The following COX6B1 variants were observed in gnomAD, a reference collection of about 807,000 sequenced individuals.
COX6B1 encodes the protein COX VIb-1.
A neutral mutation model predicts 14.0 loss-of-function variants in COX6B1; 2 were observed. That is an observed-to-expected ratio of 0.14 (90% CI 0.06 to 0.45). The LOEUF is 0.45. Among genes scored for constraint, COX6B1 ranks in the 20% least tolerant of loss-of-function variants. The pLI is 0.98. For synonymous variants in COX6B1, 30 were observed against 39.7 expected (o/e 0.76, Z 0.92); for missense variants, 81 against 114.2 (o/e 0.71, Z 1.33).
intron 1 of COX6B1, 59 bp downstream of exon 1, chr19:35,648,462 C>T (rs948249883): frequency 4.8e-6 from 1 of 208,430 alleles, no homozygotes; most frequent in Non-Finnish European, 1.0e-5. Context: ...GGAGCCGGAC[C>T]CCAGCTTCCC....
rs1295733210 is a variant in COX6B1 at position 35,651,335 on chromosome 19, G to A, written c.92G>A (p.Trp31Ter). 1 of 1,613,590 alleles carries A rather than the reference G, an allele frequency of 6.2e-7. No homozygotes were observed. The highest frequency in any genetic ancestry group is 8.5e-7 in the Non-Finnish European group (1 of 1,179,726). ...AACCAGAACCAGACTAGAAACTGCT[G>A]GCAGAACTACCTGGGTAAGCAGGAC... is the stretch of plus-strand genomic sequence containing the variant. ...FPNQNQTRNC[W>*]QNYLDFHRCQ... Residue 31 changes from tryptophan to a stop codon, truncating the protein, a stop_gained, in exon 2 of 4, where the codon TGG becomes TAG. Transcript: ENST00000649813. LOFTEE classifies it high-confidence loss of function.
At chr19:35,654,423 T>A in intron 2 of COX6B1, 148 bp from the exon 3 acceptor site, 1 of 690,000 alleles carries the variant, frequency 1.4e-6, no homozygotes, top group Non-Finnish European at 2.6e-6. Context: ...GAGAATCACT[T>A]GAACCCAGGA....
chr19:35,648,992 C>G lies in COX6B1; in HGVS notation c.-12+589C>G, dbSNP rs555984522. 7.7e-6 allele frequency: 4 copies of G among 520,714 alleles called. No individual in the cohort carries two copies. In the East Asian group the frequency reaches 1.7e-4, roughly 22 times the overall value. 32.3% of individuals were successfully genotyped at this position (520,714 alleles called of 1,614,324 possible). A position where few individuals can be genotyped will look rare whatever the true frequency, so the allele number is the denominator to read the frequency against. ...CCCACCGAAAGACTGTTTTAGTGCT[C>G]CAGACCCCCACCACCACCTTGCGTC... is the stretch of plus-strand genomic sequence containing the variant. On this transcript the variant is annotated intron_variant, in intron 1 of 3. Coordinates refer to ENST00000649813, the MANE Select transcript of COX6B1 (RefSeq NM_001863.5).
At chr19:35,650,652 G>A (rs1411223084) in intron 1 of COX6B1, among the ~76,000 whole-genome samples, 5 of 151,758 alleles carry the variant, frequency 3.3e-5, no homozygotes, top group Non-Finnish European at 7.4e-5. Context: ...AGTTTGCAGT[G>A]AGCCTAGGTC....
intron 2 of COX6B1, among the ~76,000 whole-genome samples, chr19:35,652,357 G>A (rs1452324097): frequency 1.3e-5 from 2 of 151,814 alleles, no homozygotes; most frequent in Non-Finnish European, 2.9e-5. Context: ...GTCCTGTCTG[G>A]AACACAGCAC....
chr19:35,649,398 C>T (rs1226774179), intron 1 of COX6B1, among the ~76,000 whole-genome samples: 1 of 152,042 alleles, frequency 6.6e-6, no homozygotes, highest in Non-Finnish European at 1.5e-5. Flanking sequence ...TGGCTCACTG[C>T]AACCTCTGCT....
intron 1 of COX6B1, among the ~76,000 whole-genome samples, chr19:35,649,210 G>C (rs1473975796): frequency 6.6e-6 from 1 of 152,144 alleles, no homozygotes; most frequent in Non-Finnish European, 1.5e-5. Flanking sequence ...GAATTGGGGT[G>C]GGGGGTGGAA....
At chr19:35,649,821 C>T (rs1239072093) in intron 1 of COX6B1, among the ~76,000 whole-genome samples, 1 of 151,704 alleles carries the variant, frequency 6.6e-6, no homozygotes, top group Non-Finnish European at 1.5e-5. Flanking sequence ...GGGGTTTCAC[C>T]ATGTTGCCCA....
chr19:35,653,037 C>T (rs1444881045), intron 2 of COX6B1, among the ~76,000 whole-genome samples: 6 of 145,480 alleles, frequency 4.1e-5, no homozygotes, highest in Non-Finnish European at 7.5e-5. Flanking sequence ...GGTGCAATCT[C>T]GACTCACTGC....
intron 3 of COX6B1, among the ~76,000 whole-genome samples, chr19:35,655,324 G>T (rs962386093): frequency 6.6e-6 from 1 of 151,992 alleles, no homozygotes; most frequent in Non-Finnish European, 1.5e-5. Context: ...CACCGTGCCC[G>T]GCCCTATTAT....
intron 1 of COX6B1, among the ~76,000 whole-genome samples, chr19:35,650,292 C>T (rs557297533): frequency 3.7e-4 from 56 of 152,320 alleles, no homozygotes; most frequent in African/African-American, 1.2e-3. Flanking sequence ...CGTGAGCCAC[C>T]GCACCCGGCG....
chr19:35,655,370 C>T (rs548482644), intron 3 of COX6B1, among the ~76,000 whole-genome samples: 7 of 152,202 alleles, frequency 4.6e-5, no homozygotes, highest in African/African-American at 1.7e-4. Flanking sequence ...ATTCATTGAC[C>T]TCAAATACAT....
At chr19:35,655,833 CTCTT>C (rs57074171) in intron 3 of COX6B1, among the ~76,000 whole-genome samples, 17,591 of 151,458 alleles carry the variant, frequency 0.12, 1,110 homozygotes, top group East Asian at 0.23. Flanking sequence ...CTCTCGCTCT[CTCTT>C]TCTCACTCTT....
At chr19:35,657,115 T>C (rs1351541048) in intron 3 of COX6B1, among the ~76,000 whole-genome samples, 1 of 152,032 alleles carries the variant, frequency 6.6e-6, no homozygotes, top group Non-Finnish European at 1.5e-5. Flanking sequence ...CCACTTTATT[T>C]CTGTTATTAT....
chr19:35,648,876 C>G (rs2146368587), intron 1 of COX6B1: 1 of 533,472 alleles, frequency 1.9e-6, no homozygotes, highest in South Asian at 1.4e-5. Flanking sequence ...CCGATGCACC[C>G]TCATCCTCAG....
chr19:35,658,076 G>A (rs993135923), intron 3 of COX6B1, among the ~76,000 whole-genome samples: 1 of 152,172 alleles, frequency 6.6e-6, no homozygotes, highest in African/African-American at 2.4e-5. Flanking sequence ...ACAGGTGCGA[G>A]TCACCACACC....
At chr19:35,655,356 A>G (rs183474840) in intron 3 of COX6B1, among the ~76,000 whole-genome samples, 15 of 152,270 alleles carry the variant, frequency 9.9e-5, no homozygotes, top group Admixed American at 4.6e-4. Flanking sequence ...AAGCAGAGAT[A>G]ATAATTCATT....
intron 2 of COX6B1, among the ~76,000 whole-genome samples, chr19:35,652,427 T>G (rs900288063): frequency 6.6e-6 from 1 of 151,896 alleles, no homozygotes; most frequent in Non-Finnish European, 1.5e-5. Flanking sequence ...TCTTTGTTTT[T>G]GGTTTTGGTT....
intron 2 of COX6B1, among the ~76,000 whole-genome samples, chr19:35,652,873 A>G (rs1264247701): frequency 6.6e-6 from 1 of 151,200 alleles, no homozygotes; most frequent in Admixed American, 6.6e-5. Context: ...ATCTCAGCTC[A>G]TTGCAACCTC....
Sources: gnomAD v4.1 joint callset for allele counts (sites outside exome capture counted in the v4.1 genomes callset) on GRCh38, gnomAD v4.1.1 for gene constraint, MANE v1.5 for transcripts, NCBI Gene and HGNC (gene_info 2026-07-23, HGNC 2026-07-21) for gene names.